Variants in DLGAP1 observed in about 807,000 individuals in gnomAD.
DLGAP1 encodes the protein disks large-associated protein 1.
DLGAP1 carries 11 observed loss-of-function variants against 90.8 expected under a neutral mutation model. That is an observed-to-expected ratio of 0.12 (90% CI 0.08 to 0.20). The LOEUF is 0.20. Ranked by LOEUF, DLGAP1 falls within the 10% of genes least tolerant of loss-of-function variation. The probability of loss-of-function intolerance (pLI) is 1.00; values close to 1 mark genes in which losing one functional copy is unlikely to be tolerated. For synonymous variants in DLGAP1, 558 were observed against 540.7 expected, an observed-to-expected ratio of 1.03 and a Z score of -0.44; for missense variants, 1,050 against 1,333.8, an observed-to-expected ratio of 0.79 and a Z score of 3.31.
chr18:4,164,035 C>G (rs1366800706), intron 1 of DLGAP1, among the ~76,000 whole-genome samples: 2 of 152,108 alleles, frequency 1.3e-5, no homozygotes, highest in Non-Finnish European at 2.9e-5. Flanking sequence ...TGAGTGGAAA[C>G]TCTGGCAGCA....
rs370498567 is a variant in DLGAP1 at position 4,105,997 on chromosome 18, A to G, written c.-159+45183T>C. Among the ~76,000 whole-genome samples the G allele has an allele frequency of 2.6e-4, 36 of 136,966 alleles. No homozygotes were observed. In the East Asian group the frequency reaches 3.1e-3, roughly 12 times the overall value. The allele number at this position is 136,966 out of a possible 152,430, so 89.9% of individuals were successfully genotyped here. A position where few individuals can be genotyped will look rare whatever the true frequency, so the allele number is the denominator to read the frequency against. On this transcript the variant is annotated intron_variant, in intron 2 of 12. Coordinates refer to ENST00000315677, the MANE Select transcript of DLGAP1 (RefSeq NM_004746.4). ...CAGTGAACCGAGATCGCGCCACTGC[A>G]CTCCAGCCTGGGCGACAGAGCGAGG...
intron 1 of DLGAP1, among the ~76,000 whole-genome samples, chr18:4,270,696 C>A (rs2145352728): frequency 6.6e-6 from 1 of 152,238 alleles, no homozygotes; most frequent in African/African-American, 2.4e-5. Context: ...CTCTGACAAG[C>A]ATTCTATGGC....
chr18:4,160,486 A>AT (rs2076826258), intron 1 of DLGAP1, among the ~76,000 whole-genome samples: 1 of 152,222 alleles, frequency 6.6e-6, no homozygotes, highest in South Asian at 2.1e-4. Flanking sequence ...TTTGTAAAGC[A>AT]TATTATTAAT....
intron 2 of DLGAP1, among the ~76,000 whole-genome samples, chr18:4,085,676 A>G (rs2075671696): frequency 6.6e-6 from 1 of 152,100 alleles, no homozygotes; most frequent in Non-Finnish European, 1.5e-5. Context: ...CTTGTTGACA[A>G]CTCACCCTGC....
intron 2 of DLGAP1, among the ~76,000 whole-genome samples, chr18:4,131,686 C>G (rs375886325): frequency 6.6e-6 from 1 of 152,098 alleles, no homozygotes; most frequent in African/African-American, 2.4e-5. Flanking sequence ...ATTTCTCAAA[C>G]GTGGGCAAGA....
At chr18:4,110,804 T>A (rs909123734) in intron 2 of DLGAP1, among the ~76,000 whole-genome samples, 1 of 152,226 alleles carries the variant, frequency 6.6e-6, no homozygotes, top group Non-Finnish European at 1.5e-5. Context: ...TTTTTCACTC[T>A]TTGCACATTT....
chr18:3,736,523 T>A (rs116592150), intron 6 of DLGAP1, among the ~76,000 whole-genome samples: 2,086 of 152,268 alleles, frequency 0.014, 54 homozygotes, highest in African/African-American at 0.047. Flanking sequence ...AAATAAGATA[T>A]AATGCACTTA....
intron 4 of DLGAP1, among the ~76,000 whole-genome samples, chr18:3,833,620 G>A (rs1169753379): frequency 6.6e-6 from 1 of 152,156 alleles, no homozygotes; most frequent in Non-Finnish European, 1.5e-5. Flanking sequence ...TTGTTTGGGA[G>A]GCATTTGGGT....
At position 4,139,390 on chromosome 18, in the gene DLGAP1, G is replaced by A. The variant is rs555913894; in HGVS notation, c.-159+11790C>T. Among the ~76,000 whole-genome samples the A allele has an allele frequency of 2.0e-5, 3 of 151,798 alleles. No homozygotes were observed. In the South Asian group the frequency reaches 6.2e-4, roughly 32 times the overall value. ...TTTCTTCATGACCCACTGGTCATTC[G>A]GGGGCATATATTGGAATTTACATGT... On this transcript the variant is annotated intron_variant, in intron 2 of 12. Coordinates refer to ENST00000315677, the MANE Select transcript of DLGAP1 (RefSeq NM_004746.4).
intron 3 of DLGAP1, among the ~76,000 whole-genome samples, chr18:3,899,291 G>C (rs1193236130): frequency 6.6e-6 from 1 of 152,126 alleles, no homozygotes; most frequent in Non-Finnish European, 1.5e-5. Context: ...ATCTGTGTCA[G>C]GAAAAAACTC....
At chr18:3,765,871 C>G (rs570424165) in intron 5 of DLGAP1, among the ~76,000 whole-genome samples, 4 of 151,932 alleles carry the variant, frequency 2.6e-5, no homozygotes, top group African/African-American at 9.7e-5. Flanking sequence ...CTCAAAAACA[C>G]TATAAATAAA....
intron 4 of DLGAP1, among the ~76,000 whole-genome samples, chr18:3,849,235 A>G (rs1270696435): frequency 6.6e-6 from 1 of 152,188 alleles, no homozygotes; most frequent in African/African-American, 2.4e-5. Flanking sequence ...TATTGAGCCA[A>G]GTGATCATTT....
chr18:4,407,276 A>G (rs2082682840), intron 1 of DLGAP1, among the ~76,000 whole-genome samples: 1 of 152,242 alleles, frequency 6.6e-6, no homozygotes, highest in East Asian at 1.9e-4. Flanking sequence ...CTAGCCACCC[A>G]AAAGTACTAT....
intron 10 of DLGAP1, among the ~76,000 whole-genome samples, chr18:3,516,364 A>G (rs888110096): frequency 2.0e-5 from 3 of 152,048 alleles, no homozygotes; most frequent in Admixed American, 1.3e-4. Flanking sequence ...CCCTCAAGCA[A>G]TCCCCTCAAG....
intron 3 of DLGAP1, among the ~76,000 whole-genome samples, chr18:3,964,324 C>T (rs1407001210): frequency 6.6e-6 from 1 of 152,074 alleles, no homozygotes; most frequent in Non-Finnish European, 1.5e-5. Flanking sequence ...ATGTTTCCAC[C>T]TTGGGAAAAT....
At chr18:3,909,499 A>C (rs2071986119) in intron 3 of DLGAP1, among the ~76,000 whole-genome samples, 1 of 152,214 alleles carries the variant, frequency 6.6e-6, no homozygotes, top group Non-Finnish European at 1.5e-5. Context: ...AACACTGGAT[A>C]CTAATTTGTT....
rs2079210171 is a variant in DLGAP1 at position 4,269,398 on chromosome 18, G to A, written c.-266-118111C>T. 1.1e-4 allele frequency among the ~76,000 whole-genome samples: 16 copies of A among 144,220 alleles called. No homozygotes were observed. In the Admixed American group the frequency reaches 1.2e-3, roughly 10 times the overall value. The allele number at this position is 144,220 out of a possible 152,430, so 94.6% of individuals were successfully genotyped here. On this transcript the variant is annotated intron_variant, in intron 1 of 12. Coordinates refer to ENST00000315677, the MANE Select transcript of DLGAP1 (RefSeq NM_004746.4). ...AGACGGAGTCTTGCTCTGTCGCCCA[G>A]GCTGGAGTGCAGTGGCGCGATCTCA...
chr18:3,736,707 ATTATCC>A (rs1273725520), intron 6 of DLGAP1, among the ~76,000 whole-genome samples: 2 of 152,194 alleles, frequency 1.3e-5, no homozygotes, highest in Non-Finnish European at 2.9e-5. Context: ...GACGTTTGAA[ATTATCC>A]TTAAAGATAC....
chr18:3,646,920 A>G (rs540093982), intron 7 of DLGAP1, among the ~76,000 whole-genome samples: 105 of 151,420 alleles, frequency 6.9e-4, no homozygotes, highest in Admixed American at 1.7e-3. Flanking sequence ...GCGAGACTCC[A>G]TCTCAAAATA....
Sources: allele counts gnomAD v4.1 joint callset (sites outside exome capture counted in the v4.1 genomes callset), GRCh38; gene constraint gnomAD v4.1.1; transcripts MANE v1.5; gene names NCBI Gene and HGNC (gene_info 2026-07-23, HGNC 2026-07-21).